GPC5: variants seen among roughly 807,000 people sequenced by gnomAD.
The protein encoded by GPC5 is glypican 5, also known as glypican-5.
In GPC5, 47 loss-of-function variants were observed where a neutral mutation model predicts 53.9. The observed-to-expected ratio is 0.87, with a 90% confidence interval of 0.69 to 1.11. GPC5 has a LOEUF of 1.11. Ranked by LOEUF, GPC5 falls within the 50% of genes most tolerant of loss-of-function variation. The pLI, the probability that GPC5 is intolerant of heterozygous loss-of-function variation, is 0.00. For missense variants in GPC5, 748 were observed against 713.1 expected (o/e 1.05, Z -0.56); for synonymous variants, 286 against 263.3 (o/e 1.09, Z -0.84).
chr13:92,766,421 G>A (rs1875408345), intron 7 of GPC5, among the ~76,000 whole-genome samples: 1 of 151,942 alleles, frequency 6.6e-6, no homozygotes, highest in Non-Finnish European at 1.5e-5. Context: ...TAGTAATAAT[G>A]GTATGACTTT....
At chr13:91,964,134 T>C (rs2139079931) in intron 6 of GPC5, among the ~76,000 whole-genome samples, 1 of 152,202 alleles carries the variant, frequency 6.6e-6, no homozygotes, top group East Asian at 1.9e-4. Context: ...TTCTTCCTTC[T>C]GGTGGGTTCA....
chr13:92,257,545 G>GATTTTTTTTTTT, intron 7 of GPC5, among the ~76,000 whole-genome samples: 1 of 50,030 alleles, frequency 2.0e-5, no homozygotes, highest in Non-Finnish European at 3.8e-5. Context: ...CTAATACAGG[G>GATTTTTTTTTTT]ATTTTTTTTT....
chr13:92,470,826 G>T (rs1015039093), intron 7 of GPC5, among the ~76,000 whole-genome samples: 3 of 152,160 alleles, frequency 2.0e-5, no homozygotes, highest in African/African-American at 7.2e-5. Flanking sequence ...AGGGCTTTAG[G>T]GGACTTTGCT....
chr13:91,898,647 G>T (rs1330662811), intron 5 of GPC5, among the ~76,000 whole-genome samples: 1 of 150,732 alleles, frequency 6.6e-6, no homozygotes, highest in African/African-American at 2.4e-5. Context: ...ATCCTTTCCA[G>T]CTCTAAATTT....
At chr13:92,082,313 A>G (rs1831011) in intron 6 of GPC5, among the ~76,000 whole-genome samples, 78,716 of 151,936 alleles carry the variant, frequency 0.52, 20,799 homozygotes, top group East Asian at 0.79. Context: ...AGTAGGGCAC[A>G]ACCCCAAAAC....
chr13:91,727,477 T>G (rs1461236479), intron 3 of GPC5, among the ~76,000 whole-genome samples: 1 of 152,210 alleles, frequency 6.6e-6, no homozygotes, highest in Non-Finnish European at 1.5e-5. Context: ...AGGAGAAACT[T>G]TAGTTACTCA....
intron 7 of GPC5, among the ~76,000 whole-genome samples, chr13:92,283,543 T>G (rs1449202951): frequency 6.6e-6 from 1 of 152,162 alleles, no homozygotes; most frequent in African/African-American, 2.4e-5. Flanking sequence ...ACAAACTGTC[T>G]CTCAGACCAC....
intron 6 of GPC5, among the ~76,000 whole-genome samples, chr13:91,991,994 G>C (rs2040461203): frequency 6.6e-6 from 1 of 151,964 alleles, no homozygotes; most frequent in Non-Finnish European, 1.5e-5. Context: ...GAATTTTATG[G>C]TACATGTTAG....
At chr13:91,560,363 G>T (rs560529922) in intron 2 of GPC5, among the ~76,000 whole-genome samples, 1 of 152,232 alleles carries the variant, frequency 6.6e-6, no homozygotes, top group South Asian at 2.1e-4. Context: ...TTGTCCTCCA[G>T]ACTATAGGGG....
At chr13:92,833,373 TATAG>T (rs1287095882) in intron 7 of GPC5, among the ~76,000 whole-genome samples, 9 of 152,266 alleles carry the variant, frequency 5.9e-5, no homozygotes, top group South Asian at 4.1e-4. Context: ...AACAAATTGA[TATAG>T]ATAGAGTCAA....
At chr13:92,079,009 C>G (rs553456591) in intron 6 of GPC5, among the ~76,000 whole-genome samples, 1 of 152,206 alleles carries the variant, frequency 6.6e-6, no homozygotes, top group East Asian at 1.9e-4. Flanking sequence ...TGCTGTGAGT[C>G]ATTGACTACC....
chr13:92,376,009 C>T (rs773312802), intron 7 of GPC5, among the ~76,000 whole-genome samples: 8 of 152,168 alleles, frequency 5.3e-5, no homozygotes, highest in Non-Finnish European at 8.8e-5. Flanking sequence ...AAAATTACCT[C>T]ACATGTCTTT....
At chr13:92,077,027 C>A (rs1203273472) in intron 6 of GPC5, among the ~76,000 whole-genome samples, 1 of 152,174 alleles carries the variant, frequency 6.6e-6, no homozygotes, top group Admixed American at 6.5e-5. Context: ...GGTCTTCAGA[C>A]AAACTCAACC....
At chr13:91,825,975 A>G (rs767916004) in intron 5 of GPC5, among the ~76,000 whole-genome samples, 8 of 152,232 alleles carry the variant, frequency 5.3e-5, no homozygotes, top group Non-Finnish European at 1.0e-4. Flanking sequence ...ACCCAGTAGT[A>G]AGTCTAGCTG....
At chr13:92,593,959 A>T (rs1309178640) in intron 7 of GPC5, among the ~76,000 whole-genome samples, 1 of 152,176 alleles carries the variant, frequency 6.6e-6, no homozygotes, top group African/African-American at 2.4e-5. Flanking sequence ...ATGTAATGGA[A>T]TTTTTTTAAA....
intron 6 of GPC5, among the ~76,000 whole-genome samples, chr13:91,982,102 A>C (rs1052762184): frequency 6.6e-6 from 1 of 152,208 alleles, no homozygotes; most frequent in African/African-American, 2.4e-5. Flanking sequence ...TGACAGGGTA[A>C]GATCTGTGTT....
At chr13:92,268,756 T>A (rs889161088) in intron 7 of GPC5, among the ~76,000 whole-genome samples, 1 of 152,234 alleles carries the variant, frequency 6.6e-6, no homozygotes, top group South Asian at 2.1e-4. Flanking sequence ...CTTTGCTTTA[T>A]GTCTAAACAG....
chr13:91,421,868 T>C (rs752017123), intron 1 of GPC5, among the ~76,000 whole-genome samples: 2 of 152,236 alleles, frequency 1.3e-5, no homozygotes, highest in Non-Finnish European at 2.9e-5. Flanking sequence ...ATTTACAAAG[T>C]ATATGTACTC....
At chr13:92,452,987 A>T (rs920842524) in intron 7 of GPC5, among the ~76,000 whole-genome samples, 18 of 152,160 alleles carry the variant, frequency 1.2e-4, no homozygotes, top group Non-Finnish European at 5.9e-5. Context: ...CTGGCTTGAG[A>T]TCCTACTTCC....
Sources: allele counts gnomAD v4.1 joint callset (sites outside exome capture counted in the v4.1 genomes callset), GRCh38; gene constraint gnomAD v4.1.1; transcripts MANE v1.5; gene names NCBI Gene and HGNC (gene_info 2026-07-23, HGNC 2026-07-21).